ZNF516: variants seen among roughly 807,000 people sequenced by gnomAD.
ZNF516 encodes the protein zinc finger protein 516.
A neutral mutation model predicts 79.7 loss-of-function variants in ZNF516; 19 were observed. The observed-to-expected ratio is 0.24, with a 90% confidence interval of 0.17 to 0.35. ZNF516 has a LOEUF of 0.35. Among genes scored for constraint, ZNF516 ranks in the 10% least tolerant of loss-of-function variants. ZNF516 has a pLI of 1.00. For synonymous variants in ZNF516, 877 were observed against 739.5 expected, an observed-to-expected ratio of 1.19 and a Z score of -3.02; for missense variants, 1,678 against 1,679.5, an observed-to-expected ratio of 1.00 and a Z score of 0.02.
At chr18:76,401,132 T>C (rs2145213513) in intron 3 of ZNF516, among the ~76,000 whole-genome samples, 1 of 152,292 alleles carries the variant, frequency 6.6e-6, no homozygotes, top group South Asian at 2.1e-4. Context: ...TGGGAGTTAT[T>C]TATATCCTAC....
intron 1 of ZNF516, among the ~76,000 whole-genome samples, chr18:76,473,907 G>GTC: frequency 1.1e-5 from 1 of 91,234 alleles, no homozygotes; most frequent in African/African-American, 3.3e-5. Context: ...TTTGTGTGGG[G>GTC]GGGGGGGGGG....
chr18:76,452,402 T>C (rs1010197200), intron 2 of ZNF516, among the ~76,000 whole-genome samples: 2 of 152,234 alleles, frequency 1.3e-5, no homozygotes, highest in Non-Finnish European at 2.9e-5. Flanking sequence ...AGTGCCAGCA[T>C]GCTAGTCCCC....
At chr18:76,463,637 G>A (rs186603511) in intron 1 of ZNF516, among the ~76,000 whole-genome samples, 233 of 152,250 alleles carry the variant, frequency 1.5e-3, no homozygotes, top group East Asian at 1.2e-3. Context: ...CACCTCCTCC[G>A]CAGCATCTGC....
chr18:76,486,976 C>G (rs1159347786), intron 1 of ZNF516, among the ~76,000 whole-genome samples: 1 of 152,092 alleles, frequency 6.6e-6, no homozygotes, highest in Non-Finnish European at 1.5e-5. Context: ...CTATAGTTGT[C>G]TTTTAAATAA....
In ZNF516 at chr18:76,379,103, G is replaced by A. The variant is rs766273573; in HGVS notation, c.3011C>T (p.Ser1004Leu). Residue 1004 changes from serine to leucine, a missense_variant, in exon 4 of 7, where the codon TCG becomes TTG. Ser to Leu is a moderately radical substitution (Grantham distance 145). Around this residue, in one of 5 missense-constraint regions of ZNF516, gnomAD observed 1,294 missense variants for 1,248.3 expected, o/e 1.04. Coordinates refer to ENST00000443185, the MANE Select transcript of ZNF516 (RefSeq NM_014643.4). ...AGTCCTCAGCTCCTGGGCTGCCTTC[G>A]AGGGGGGCTCGCGGGGAGGTAGAGG... Reference protein sequence around the residue: ...APPLPPREPPSKAAQELRTLA... With the variant: ...APPLPPREPPLKAAQELRTLA... The A allele has an allele frequency of 1.8e-5, 29 of 1,611,496 alleles. No individual in the cohort carries two copies. The highest frequency in any genetic ancestry group is 1.1e-4 in the African/African-American group (8 of 74,898).
chr18:76,425,725 C>G (rs1300560805), intron 3 of ZNF516, among the ~76,000 whole-genome samples: 5 of 152,220 alleles, frequency 3.3e-5, no homozygotes, highest in Admixed American at 3.3e-4. Flanking sequence ...CTTACCAGAC[C>G]TTGTCCTGCA....
intron 6 of ZNF516, among the ~76,000 whole-genome samples, chr18:76,364,887 C>T (rs757457962): frequency 3.3e-5 from 5 of 152,138 alleles, no homozygotes; most frequent in Non-Finnish European, 4.4e-5. Flanking sequence ...TTGGGTAATT[C>T]GCCAAGTCTA....
At chr18:76,456,026 G>A (rs1388567628) in intron 2 of ZNF516, among the ~76,000 whole-genome samples, 1 of 152,136 alleles carries the variant, frequency 6.6e-6, no homozygotes, top group East Asian at 1.9e-4. Flanking sequence ...GTCAGGTATC[G>A]TCTGTAACTC....
intron 3 of ZNF516, among the ~76,000 whole-genome samples, chr18:76,397,656 G>C (rs1047698177): frequency 2.0e-5 from 3 of 152,230 alleles, no homozygotes; most frequent in Non-Finnish European, 4.4e-5. Context: ...GGAGTGCACT[G>C]GTGCAATCAC....
intron 1 of ZNF516, among the ~76,000 whole-genome samples, chr18:76,482,986 C>T (rs1436081682): frequency 1.3e-5 from 2 of 152,122 alleles, no homozygotes; most frequent in African/African-American, 2.4e-5. Flanking sequence ...ATGAAGAGTA[C>T]TCAGTACTAT....
intron 3 of ZNF516, among the ~76,000 whole-genome samples, chr18:76,390,607 C>A (rs535250357): frequency 3.9e-5 from 6 of 152,190 alleles, no homozygotes; most frequent in East Asian, 1.9e-4. Context: ...CCAGCACCAC[C>A]CACAAGTCTC....
intron 1 of ZNF516, among the ~76,000 whole-genome samples, chr18:76,477,827 CTTTAAGAAGATGCT>C (rs1039598902): frequency 6.6e-6 from 1 of 152,016 alleles, no homozygotes; most frequent in Non-Finnish European, 1.5e-5. Context: ...TTCTCATCTC[CTTTAAGAAGATGCT>C]TTAAGAAGCA....
intron 5 of ZNF516, 29 bp downstream of exon 5, chr18:76,371,438 T>G (rs777865466): frequency 2.5e-6 from 4 of 1,587,022 alleles, no homozygotes; most frequent in Non-Finnish European, 3.4e-6. Context: ...TCTGCTCCCC[T>G]TGGGGATAGC....
At chr18:76,443,900 C>T (rs948831727) in intron 2 of ZNF516, among the ~76,000 whole-genome samples, 2 of 152,222 alleles carry the variant, frequency 1.3e-5, no homozygotes, top group African/African-American at 4.8e-5. Flanking sequence ...GAGCATCAAC[C>T]ACCCTGCATG....
In ZNF516 at chr18:76,493,355, AG is replaced by A. The variant is rs1238867780; in HGVS notation, c.-272+1788del. ...CGGGGGGGGGGGCGGGGGCCGACGC[AG>A]GGGAAAGAGTTGCTCTCTACACCGA... On this transcript the variant is annotated intron_variant, in intron 1 of 6. Transcript: ENST00000443185. The surrounding 1 kb of genome is among the most constrained non-coding windows in gnomAD (Gnocchi z 5.2). 5.8e-6 allele frequency: 1 copy of A among 171,316 alleles called. No homozygotes were observed. Among genetic ancestry groups the A allele is most frequent in the Non-Finnish European group, 1.1e-5 (1 of 86,958 alleles). 10.6% of individuals were successfully genotyped at this position (171,316 alleles called of 1,614,324 possible).
In ZNF516 at chr18:76,430,336, T is replaced by C. The variant is rs977628478; in HGVS notation, c.1810+10909A>G. ...AAAAATCACATTCTCATGAGTCACG[T>C]AGTAATCAATTTTTAAAAACCAGTG... is the stretch of plus-strand genomic sequence containing the variant. On this transcript the variant is annotated intron_variant, in intron 3 of 6. Coordinates refer to ENST00000443185, the MANE Select transcript of ZNF516 (RefSeq NM_014643.4). Among the ~76,000 whole-genome samples the C allele has an allele frequency of 3.9e-5, 6 of 152,168 alleles. No homozygotes were observed. The East Asian group carries it at 5.8e-4, about 15-fold the overall frequency.
intron 3 of ZNF516, among the ~76,000 whole-genome samples, chr18:76,431,862 T>A (rs1599078426): frequency 3.3e-5 from 5 of 152,304 alleles, no homozygotes; most frequent in Admixed American, 3.3e-4. Flanking sequence ...ATTGCCCAAG[T>A]CTCGGGTATT....
intron 3 of ZNF516, among the ~76,000 whole-genome samples, chr18:76,422,242 G>C (rs1272872476): frequency 6.6e-6 from 1 of 152,048 alleles, no homozygotes; most frequent in Non-Finnish European, 1.5e-5. Flanking sequence ...AGCAAACCAG[G>C]AGACAGCTCC....
intron 1 of ZNF516, among the ~76,000 whole-genome samples, chr18:76,486,657 T>G (rs1914850489): frequency 6.8e-6 from 1 of 147,066 alleles, no homozygotes; most frequent in East Asian, 2.0e-4. Flanking sequence ...CCCAGGGCGG[T>G]GAGAGACGTT....
Sources: allele counts gnomAD v4.1 joint callset (sites outside exome capture counted in the v4.1 genomes callset), GRCh38; gene constraint gnomAD v4.1.1; regional missense constraint gnomAD v4.1.1; non-coding constraint Gnocchi (gnomAD v3.1); transcripts MANE v1.5; gene names NCBI Gene and HGNC (gene_info 2026-07-23, HGNC 2026-07-21).